The following SHISAL1 variants were observed in gnomAD, a reference collection of about 807,000 sequenced individuals.
SHISAL1 encodes protein shisa-like-1.
A neutral mutation model predicts 22.6 loss-of-function variants in SHISAL1; 9 were observed. The observed-to-expected ratio is 0.40, with a 90% CI of 0.24 to 0.70. SHISAL1 has a LOEUF of 0.70. Among genes scored for constraint, SHISAL1 ranks in the 30% least tolerant of loss-of-function variants. The probability of loss-of-function intolerance (pLI) is 0.39; values close to 1 mark genes in which losing one functional copy is unlikely to be tolerated. For synonymous variants in SHISAL1, 119 were observed against 115.4 expected (o/e 1.03, Z -0.20); for missense variants, 246 against 270.6 (o/e 0.91, Z 0.64).
At position 44,251,627 on chromosome 22, in the gene SHISAL1, G is replaced by A. The variant is rs560004779; in HGVS notation, c.*-1942C>T. On this transcript the variant is annotated intron_variant, in intron 4 of 4. Transcript: ENST00000381176. ...CATGGCAAAAGGCAAGGAGGAGCAA[G>A]TCACATCTTATGTGGATGGTGGCAG... Among the ~76,000 whole-genome samples, 5 of 152,348 alleles carry A rather than the reference G, an allele frequency of 3.3e-5. No individual in the cohort carries two copies. The Middle Eastern group carries it at 0.01, about 311-fold the overall frequency.
intron 4 of SHISAL1, among the ~76,000 whole-genome samples, chr22:44,268,747 CTGGGG>C (rs1023642606): frequency 2.6e-5 from 4 of 152,242 alleles, no homozygotes; most frequent in African/African-American, 7.2e-5. Flanking sequence ...CGCCAAGGGG[CTGGGG>C]TGGGGAAACC....
the SHISAL1 span, among the ~76,000 whole-genome samples, chr22:44,325,425 G>A: frequency 1.5e-4 from 23 of 152,254 alleles, no homozygotes; most frequent in African/African-American, 4.8e-4. Context: ...GGGCATCACC[G>A]GGACCCAGGT....
intron 2 of SHISAL1, among the ~76,000 whole-genome samples, chr22:44,297,878 C>A (rs1461057797): frequency 6.6e-6 from 1 of 152,230 alleles, no homozygotes; most frequent in African/African-American, 2.4e-5. Context: ...GCAGGAGTTC[C>A]TCCAGCTCGT....
intron 4 of SHISAL1, among the ~76,000 whole-genome samples, chr22:44,274,624 T>C (rs1406843342): frequency 2.0e-5 from 3 of 152,122 alleles, no homozygotes; most frequent in African/African-American, 7.2e-5. Context: ...GACAACTGGG[T>C]GGCCGCTGAA....
At chr22:44,273,465 G>T (rs1343749750) in intron 4 of SHISAL1, among the ~76,000 whole-genome samples, 1 of 152,194 alleles carries the variant, frequency 6.6e-6, no homozygotes, top group Non-Finnish European at 1.5e-5. Flanking sequence ...TATTATCTCT[G>T]TGTTTAATAC....
rs1455200370 is a variant in SHISAL1 at position 44,245,610 on chromosome 22, A to AG, written c.*4074dup. On this transcript the variant is annotated 3_prime_UTR_variant, in exon 5 of 5. Coordinates refer to ENST00000381176, the MANE Select transcript of SHISAL1 (RefSeq NM_001099294.2). ...ATTGTGAAAGCAGCCGAGCCAGCGG[A>AG]GGGGCCTGCCTGGGGATGGCAGCTG... The AG allele has an allele frequency of 1.3e-5, 2 of 152,514 alleles. No individual in the cohort carries two copies. Among genetic ancestry groups the AG allele is most frequent in the Non-Finnish European group, 2.9e-5 (2 of 68,298 alleles). The allele number at this position is 152,514 out of a possible 1,614,324, so 9.4% of individuals were successfully genotyped here.
chr22:44,307,946 A>G (rs2055491031), intron 1 of SHISAL1, among the ~76,000 whole-genome samples: 1 of 152,112 alleles, frequency 6.6e-6, no homozygotes, highest in Non-Finnish European at 1.5e-5. Flanking sequence ...GAGACCCCCT[A>G]CAGCACTGGG....
At chr22:44,329,813 C>G in the SHISAL1 span, among the ~76,000 whole-genome samples, 1 of 152,188 alleles carries the variant, frequency 6.6e-6, no homozygotes, top group Non-Finnish European at 1.5e-5. Flanking sequence ...CTGGTTGACA[C>G]CAGGACCTGA....
chr22:44,302,414 T>TAAA (rs35536153), intron 1 of SHISAL1, among the ~76,000 whole-genome samples: 1 of 148,494 alleles, frequency 6.7e-6, no homozygotes, highest in African/African-American at 2.5e-5. Flanking sequence ...TTTGCCACAA[T>TAAA]AAAAAAAAAT....
chr22:44,253,154 A>G (rs1249496724), intron 4 of SHISAL1, among the ~76,000 whole-genome samples: 5 of 152,198 alleles, frequency 3.3e-5, no homozygotes, highest in Admixed American at 2.0e-4. Flanking sequence ...GCATTTTACC[A>G]TAATTTTTAA....
At chr22:44,318,665 G>A in the SHISAL1 span, among the ~76,000 whole-genome samples, 30 of 152,278 alleles carry the variant, frequency 2.0e-4, no homozygotes, top group Admixed American at 3.9e-4. Context: ...CAGAGCCCAC[G>A]CTAGGTGGTT....
the SHISAL1 span, among the ~76,000 whole-genome samples, chr22:44,330,041 C>T: frequency 2.0e-5 from 3 of 152,212 alleles, no homozygotes; most frequent in Non-Finnish European, 4.4e-5. Context: ...GCACAGCCAG[C>T]CAGCAGCGAG....
At chr22:44,260,168 C>T (rs1279390647) in intron 4 of SHISAL1, among the ~76,000 whole-genome samples, 1 of 152,184 alleles carries the variant, frequency 6.6e-6, no homozygotes, top group Non-Finnish European at 1.5e-5. Context: ...CCTTTAAAGA[C>T]CCCACTTTCC....
chr22:44,273,251 G>T (rs948864937), intron 4 of SHISAL1, among the ~76,000 whole-genome samples: 3 of 152,188 alleles, frequency 2.0e-5, no homozygotes, highest in African/African-American at 7.2e-5. Context: ...TTCCCCAGGG[G>T]AAGAAAACCC....
At chr22:44,318,546 T>C in the SHISAL1 span, among the ~76,000 whole-genome samples, 206 of 152,296 alleles carry the variant, frequency 1.4e-3, no homozygotes, top group African/African-American at 4.5e-3. Flanking sequence ...GGCCCTGTGA[T>C]CCTGGACATG....
At chr22:44,256,255 G>T (rs1162571488) in intron 4 of SHISAL1, among the ~76,000 whole-genome samples, 2 of 149,660 alleles carry the variant, frequency 1.3e-5, no homozygotes, top group Non-Finnish European at 3.0e-5. Flanking sequence ...GCTCTCCTGG[G>T]TCTCAGGCTC....
the SHISAL1 span, among the ~76,000 whole-genome samples, chr22:44,324,227 G>A: frequency 1.4e-3 from 210 of 152,318 alleles, 2 homozygotes; most frequent in African/African-American, 4.9e-3. Flanking sequence ...GGCTCAGAGG[G>A]AAATATGCAG....
At chr22:44,289,103 C>G (rs1172170568) in intron 3 of SHISAL1, among the ~76,000 whole-genome samples, 2 of 152,218 alleles carry the variant, frequency 1.3e-5, no homozygotes, top group African/African-American at 4.8e-5. Context: ...CTAATAAAAA[C>G]ACTGGCAATT....
At position 44,247,231 on chromosome 22, in the gene SHISAL1, T is replaced by C. The variant is rs1324004708; in HGVS notation, c.*2454A>G. 1 of 152,114 alleles carries C rather than the reference T, an allele frequency of 6.6e-6. No individual in the cohort carries two copies. The highest frequency in any genetic ancestry group is 2.4e-5 in the African/African-American group (1 of 41,408). 9.4% of individuals were successfully genotyped at this position (152,114 alleles called of 1,614,324 possible). A position where few individuals can be genotyped will look rare whatever the true frequency, so the allele number is the denominator to read the frequency against. On this transcript the variant is annotated 3_prime_UTR_variant, in exon 5 of 5. Transcript: ENST00000381176. ...GGGTTGCAAACTCCTTAAATACCCA[T>C]CTGACTCCTTCCTCTTACCGATGGG... is the stretch of plus-strand genomic sequence containing the variant.
Sources: gnomAD v4.1 joint callset for allele counts (sites outside exome capture counted in the v4.1 genomes callset) on GRCh38, gnomAD v4.1.1 for gene constraint, MANE v1.5 for transcripts, NCBI Gene and HGNC (gene_info 2026-07-23, HGNC 2026-07-21) for gene names.